Variants in SHISA9 observed in about 807,000 individuals in gnomAD.
SHISA9 encodes the protein protein shisa-9.
SHISA9 carries 13 observed loss-of-function variants against 38.0 expected under a neutral mutation model. The ratio of observed to expected loss-of-function variants is 0.34; its 90% confidence interval spans 0.22 to 0.54. The LOEUF (loss-of-function observed/expected upper bound fraction) is 0.54, where lower values mean the gene tolerates loss of function less well. Among genes scored for constraint, SHISA9 ranks in the 20% least tolerant of loss-of-function variants. The pLI is 0.91. For missense variants in SHISA9, 538 were observed against 575.8 expected (o/e 0.93, Z 0.67); for synonymous variants, 275 against 242.0 (o/e 1.14, Z -1.27).
chr16:13,276,072 C>T, the SHISA9 span, among the ~76,000 whole-genome samples: 2 of 151,846 alleles, frequency 1.3e-5, no homozygotes. Flanking sequence ...TATCCCTCGC[C>T]CCCTCTGTCT....
chr16:13,327,814 G>A, the SHISA9 span, among the ~76,000 whole-genome samples: 8 of 151,792 alleles, frequency 5.3e-5, no homozygotes, highest in Admixed American at 2.6e-4. Context: ...CTGCCACCAC[G>A]CCTGGCTAAT....
At chr16:13,329,650 A>G in the SHISA9 span, among the ~76,000 whole-genome samples, 2 of 152,266 alleles carry the variant, frequency 1.3e-5, no homozygotes, top group East Asian at 1.9e-4. Flanking sequence ...GCCCTCTTGC[A>G]TCTCCTCCAT....
chr16:13,525,697 C>T, the SHISA9 span, among the ~76,000 whole-genome samples: 3 of 152,296 alleles, frequency 2.0e-5, no homozygotes, highest in African/African-American at 7.2e-5. Context: ...CTGTAAAAAT[C>T]ATCATTTTCA....
chr16:13,535,464 C>T, the SHISA9 span, among the ~76,000 whole-genome samples: 3 of 152,182 alleles, frequency 2.0e-5, no homozygotes, highest in Admixed American at 1.3e-4. Flanking sequence ...CAGGGACCCA[C>T]AAACTATGCT....
chr16:13,161,457 T>C (rs938808080), intron 2 of SHISA9, among the ~76,000 whole-genome samples: 1 of 152,158 alleles, frequency 6.6e-6, no homozygotes, highest in Non-Finnish European at 1.5e-5. Flanking sequence ...TCTGACCCAG[T>C]TAATTATACT....
chr16:13,368,502 CG>C, the SHISA9 span, among the ~76,000 whole-genome samples: 6 of 152,026 alleles, frequency 3.9e-5, no homozygotes, highest in Non-Finnish European at 7.4e-5. Context: ...GGCTTCGTTG[CG>C]TTAGGGGGTT....
At chr16:12,943,471 T>C (rs2071649463) in intron 2 of SHISA9, among the ~76,000 whole-genome samples, 1 of 152,044 alleles carries the variant, frequency 6.6e-6, no homozygotes, top group Admixed American at 6.6e-5. Context: ...AATTTATATT[T>C]CCCTGTTTTG....
At chr16:13,518,701 C>G in the SHISA9 span, among the ~76,000 whole-genome samples, 1 of 152,194 alleles carries the variant, frequency 6.6e-6, no homozygotes, top group African/African-American at 2.4e-5. Flanking sequence ...TTTCCTCTTC[C>G]TCTAAAGATG....
the SHISA9 span, among the ~76,000 whole-genome samples, chr16:13,284,788 G>A: frequency 2.0e-5 from 3 of 152,116 alleles, no homozygotes; most frequent in African/African-American, 4.8e-5. Flanking sequence ...TTGTAGAGGC[G>A]AGGTTTCACC....
the SHISA9 span, among the ~76,000 whole-genome samples, chr16:13,412,161 T>C: frequency 1.3e-5 from 2 of 152,156 alleles, no homozygotes; most frequent in Non-Finnish European, 2.9e-5. Context: ...CAAATCATTT[T>C]CTGGGTTCTC....
chr16:13,029,336 T>C (rs1335424708), intron 2 of SHISA9, among the ~76,000 whole-genome samples: 1 of 151,158 alleles, frequency 6.6e-6, no homozygotes, highest in East Asian at 1.9e-4. Context: ...CTGAACACGG[T>C]GGCTTACGCC....
chr16:12,915,588 C>A (rs13334654), intron 1 of SHISA9, among the ~76,000 whole-genome samples: 2 of 152,172 alleles, frequency 1.3e-5, no homozygotes, highest in African/African-American at 4.8e-5. Context: ...TAGCTGCCAT[C>A]CATTCTGATG....
intron 2 of SHISA9, among the ~76,000 whole-genome samples, chr16:13,030,104 A>G (rs897162580): frequency 2.0e-5 from 3 of 152,244 alleles, no homozygotes; most frequent in African/African-American, 7.2e-5. Context: ...TACTGTTTTT[A>G]GAATTTTGAA....
At chr16:13,440,929 GA>G in the SHISA9 span, among the ~76,000 whole-genome samples, 953 of 141,864 alleles carry the variant, frequency 6.7e-3, 5 homozygotes, top group African/African-American at 0.02. Context: ...AAAAAAAAAA[GA>G]AAAAAAAAAA....
At chr16:12,922,617 T>A (rs549620552) in intron 2 of SHISA9, among the ~76,000 whole-genome samples, 1 of 152,368 alleles carries the variant, frequency 6.6e-6, no homozygotes, top group South Asian at 2.1e-4. Context: ...CCTCCCAGAT[T>A]CAAGCGATTC....
At chr16:12,971,978 C>T (rs1596557515) in intron 2 of SHISA9, among the ~76,000 whole-genome samples, 1 of 151,302 alleles carries the variant, frequency 6.6e-6, no homozygotes. Flanking sequence ...ATGCCAGACA[C>T]AATTCTAGAC....
At chr16:13,276,209 C>G in the SHISA9 span, among the ~76,000 whole-genome samples, 1 of 152,058 alleles carries the variant, frequency 6.6e-6, no homozygotes, top group African/African-American at 2.4e-5. Context: ...TTAATAGTCT[C>G]CAATCTCATC....
At chr16:13,313,037 C>T in the SHISA9 span, among the ~76,000 whole-genome samples, 2 of 151,484 alleles carry the variant, frequency 1.3e-5, no homozygotes, top group South Asian at 2.1e-4. Context: ...GGGCGGATCA[C>T]GAGGTCAGGA....
At chr16:13,300,729 G>C in the SHISA9 span, among the ~76,000 whole-genome samples, 1 of 152,058 alleles carries the variant, frequency 6.6e-6, no homozygotes, top group Admixed American at 6.6e-5. Context: ...CCCAAGCCAA[G>C]GAGAAATCAT....
Sources: gnomAD v4.1 joint callset for allele counts (sites outside exome capture counted in the v4.1 genomes callset) on GRCh38, gnomAD v4.1.1 for gene constraint, MANE v1.5 for transcripts, NCBI Gene and HGNC (gene_info 2026-07-23, HGNC 2026-07-21) for gene names.